IFT140: variants seen among roughly 807,000 people sequenced by gnomAD.
IFT140 encodes intraflagellar transport protein 140 homolog.
In IFT140, 133 loss-of-function variants were observed where a neutral mutation model predicts 164.6. That is an observed-to-expected ratio of 0.81 (90% CI 0.70 to 0.93). The LOEUF (loss-of-function observed/expected upper bound fraction) is 0.93. IFT140 is among the 40% of genes least tolerant of loss of function. The pLI is 0.00. For synonymous variants in IFT140, 860 were observed against 817.3 expected (o/e 1.05, Z -0.89); for missense variants, 2,045 against 1,972.3 (o/e 1.04, Z -0.70).
chr16:1,606,999 T>C (rs2036105290), intron 3 of IFT140, 121 bp downstream of exon 3: 2 of 931,306 alleles, frequency 2.1e-6, no homozygotes, highest in Admixed American at 2.1e-5. Context: ...CACAGATGCA[T>C]GTATACACAC....
chr16:1,587,696 G>C (rs2034960621), intron 8 of IFT140, among the ~76,000 whole-genome samples: 1 of 152,198 alleles, frequency 6.6e-6, no homozygotes, highest in South Asian at 2.1e-4. Flanking sequence ...ACCAAGGCAG[G>C]GCCACCTGGG....
intron 19 of IFT140, 96 bp from the exon 20 acceptor site, chr16:1,526,892 C>T: frequency 7.4e-7 from 1 of 1,358,188 alleles, no homozygotes; most frequent in Non-Finnish European, 9.9e-7. Flanking sequence ...TCATCAGGCA[C>T]AGCTGCCAAA....
chr16:1,526,197 C>T (rs562453568), intron 20 of IFT140, 120 bp from the exon 21 acceptor site: 21 of 977,104 alleles, frequency 2.1e-5, no homozygotes, highest in Admixed American at 9.4e-5. Flanking sequence ...CACTGACACA[C>T]GGGGCCGCTG....
At chr16:1,516,442 T>G (rs1056845340) in intron 30 of IFT140, among the ~76,000 whole-genome samples, 2 of 151,812 alleles carry the variant, frequency 1.3e-5, no homozygotes, top group Admixed American at 6.6e-5. Flanking sequence ...GGAGTAGAGA[T>G]AAAAAGCTGA....
At chr16:1,528,042 G>C (rs1452650302) in intron 19 of IFT140, among the ~76,000 whole-genome samples, 2 of 152,216 alleles carry the variant, frequency 1.3e-5, no homozygotes, top group Non-Finnish European at 2.9e-5. Context: ...GCATGTGTGT[G>C]GGGGCACTCA....
intron 19 of IFT140, among the ~76,000 whole-genome samples, chr16:1,528,428 CAG>C (rs2030028173): frequency 8.9e-6 from 1 of 112,338 alleles, no homozygotes; most frequent in Non-Finnish European, 1.7e-5. Flanking sequence ...CATGCACACA[CAG>C]ATGCACACAC....
chr16:1,539,206 C>G (rs117107594), intron 19 of IFT140, among the ~76,000 whole-genome samples: 1 of 151,522 alleles, frequency 6.6e-6, no homozygotes, highest in African/African-American at 2.4e-5. Flanking sequence ...CCAAGCCACA[C>G]GGTGCCAACG....
rs149827778 is a variant in IFT140 at position 1,592,073 on chromosome 16, A to G, written c.634+103T>C. On this transcript the variant is annotated intron_variant, in intron 6 of 30. Coordinates refer to ENST00000426508, the MANE Select transcript of IFT140 (RefSeq NM_014714.4). ...TCTTTCTGTGCAGCCTGCTGCTATC[A>G]CCGTTACTGTTCTATGCAGAAACGC... 1,035 of 1,251,084 alleles carry G rather than the reference A, an allele frequency of 8.3e-4. 5 individuals carry two copies. In the African/African-American group the frequency reaches 0.013, roughly 16 times the overall value. The allele number at this position is 1,251,084 out of a possible 1,614,324, so 77.5% of individuals were successfully genotyped here.
Position 1,523,561 on chromosome 16 carries a change from CTGTGCTCGA to C in IFT140, c.3401_3409del (p.Ile1134_His1136del). The C allele has an allele frequency of 6.2e-7, 1 of 1,613,488 alleles. No homozygotes were observed. Among genetic ancestry groups the C allele is most frequent in the Non-Finnish European group, 8.5e-7 (1 of 1,179,958 alleles). On this transcript the variant is annotated inframe_deletion, in exon 26 of 31. Transcript: ENST00000426508. Reference sequence around the variant, plus strand: ...CAGCTCTACCGCCCTCTCGTACTGACTGTGCTCGATGAAGAAGTCGGAGCAGCGGGCCAG... The same window carrying C: ...CAGCTCTACCGCCCTCTCGTACTGACTGAAGAAGTCGGAGCAGCGGGCCAG...
At chr16:1,569,254 C>T (rs1036418298) in intron 14 of IFT140, among the ~76,000 whole-genome samples, 5 of 151,972 alleles carry the variant, frequency 3.3e-5, no homozygotes, top group Admixed American at 1.3e-4. Context: ...GTGATCCGCC[C>T]GCCTCAGCCT....
chr16:1,550,040 C>T (rs1264103274), intron 19 of IFT140, among the ~76,000 whole-genome samples: 5 of 152,088 alleles, frequency 3.3e-5, no homozygotes, highest in African/African-American at 7.2e-5. Flanking sequence ...ACTGCAGACT[C>T]GACCTCCTGG....
At position 1,558,023 on chromosome 16, in the gene IFT140, C is replaced by T. The variant is rs1431441541; in HGVS notation, c.2311G>A (p.Ala771Thr). 6.2e-7 allele frequency: 1 copy of T among 1,614,008 alleles called. No individual in the cohort carries two copies. The highest frequency in any genetic ancestry group is 8.5e-7 in the Non-Finnish European group (1 of 1,180,044). Reference protein sequence around the residue: ...DFVGLEDCDKATRDAMLHFSF... With the variant: ...DFVGLEDCDKTTRDAMLHFSF... ...AAGTGGAGCATGGCGTCCCGGGTGGCCTTGTCGCAGTCCTCCAGCCCCACA... is the reference window on the plus strand; with the variant it reads ...AAGTGGAGCATGGCGTCCCGGGTGGTCTTGTCGCAGTCCTCCAGCCCCACA... Residue 771 changes from alanine (A) to threonine (T), a missense_variant, in exon 19 of 31, where the codon GCC (alanine) becomes ACC (threonine). Physicochemically the swap from Ala to Thr is moderately conservative, Grantham distance 58 (BLOSUM62 0). Transcript: ENST00000426508.
rs1433617331 is a variant in IFT140 at position 1,564,180 on chromosome 16, A to C, written c.1902-18T>G. The C allele has an allele frequency of 6.5e-7, 1 of 1,540,948 alleles. No individual in the cohort carries two copies. Among genetic ancestry groups the C allele is most frequent in the Non-Finnish European group, 8.8e-7 (1 of 1,133,662 alleles). On this transcript the variant is annotated intron_variant, in intron 16 of 30. Coordinates refer to ENST00000426508, the MANE Select transcript of IFT140 (RefSeq NM_014714.4). The surrounding 1 kb of genome is among the most constrained non-coding windows in gnomAD (Gnocchi z 5.5). Reference sequence around the variant, plus strand: ...GGTGGCTCCTAAAAGACAAAGGAAGACCCGTTTCAACCCCAGGGCGGGCAC... The same window carrying C: ...GGTGGCTCCTAAAAGACAAAGGAAGCCCCGTTTCAACCCCAGGGCGGGCAC...
chr16:1,548,104 A>G (rs895021751), intron 19 of IFT140, among the ~76,000 whole-genome samples: 19 of 152,128 alleles, frequency 1.2e-4, no homozygotes, highest in African/African-American at 4.6e-4. Flanking sequence ...CTTCCCTCCC[A>G]GGGCCTCTCC....
intron 12 of IFT140, among the ~76,000 whole-genome samples, chr16:1,581,343 T>C (rs1348590669): frequency 6.6e-6 from 1 of 152,160 alleles, no homozygotes; most frequent in East Asian, 1.9e-4. Context: ...CTCACACCTG[T>C]AATCCCAGCA....
At chr16:1,585,045 A>T (rs2034794415) in intron 10 of IFT140, among the ~76,000 whole-genome samples, 1 of 152,260 alleles carries the variant, frequency 6.6e-6, no homozygotes, top group African/African-American at 2.4e-5. Context: ...CTACAACGAC[A>T]GTGTCTCATC....
At position 1,602,448 on chromosome 16, in the gene IFT140, C is replaced by T. The variant is rs774795976; in HGVS notation, c.291G>A (p.Thr97=). The part of the protein sequence containing the change: ...VFNKQDKEQH[T]MPLTHTADIT... The stretch of plus-strand genomic sequence containing the variant: ...TGTCGGCTGTGTGTGTCAGGGGCAT[C>T]GTGTGCTGCTCCTTGTCCTGCTTGT... Residue 97 remains threonine, a synonymous_variant, in exon 4 of 31, where the codon ACG becomes ACA. Coordinates refer to ENST00000426508, the MANE Select transcript of IFT140 (RefSeq NM_014714.4). The T allele has an allele frequency of 8.7e-6, 14 of 1,614,102 alleles. No homozygotes were observed. The highest frequency in any genetic ancestry group is 6.7e-5 in the African/African-American group (5 of 74,930).
chr16:1,595,490 C>G (rs911635706), intron 4 of IFT140, among the ~76,000 whole-genome samples: 17 of 151,260 alleles, frequency 1.1e-4, no homozygotes, highest in African/African-American at 4.1e-4. Flanking sequence ...TGGTGCACAC[C>G]TGTAGTCCCA....
intron 11 of IFT140, among the ~76,000 whole-genome samples, chr16:1,583,965 C>T (rs1473688628): frequency 6.6e-6 from 1 of 152,168 alleles, no homozygotes; most frequent in Admixed American, 6.5e-5. Context: ...GAACTCCTGA[C>T]CTCAAGTGAT....
Sources: gnomAD v4.1 joint callset for allele counts (sites outside exome capture counted in the v4.1 genomes callset) on GRCh38, gnomAD v4.1.1 for gene constraint, Gnocchi (gnomAD v3.1) non-coding constraint, MANE v1.5 for transcripts, NCBI Gene and HGNC (gene_info 2026-07-23, HGNC 2026-07-21) for gene names.